PIEZO2: variants seen among roughly 807,000 people sequenced by gnomAD.
The protein encoded by PIEZO2 is piezo-type mechanosensitive ion channel component 2.
Under a neutral mutation model 337.3 loss-of-function variants are expected in PIEZO2, and 172 were observed. The observed-to-expected ratio is 0.51, with a 90% CI of 0.45 to 0.58. PIEZO2 has a LOEUF of 0.58. Among genes scored for constraint, PIEZO2 ranks in the 20% least tolerant of loss-of-function variants. The probability of loss-of-function intolerance (pLI) is 0.00; values close to 1 mark genes in which losing one functional copy is unlikely to be tolerated. For synonymous variants in PIEZO2, 1,251 were observed against 1,228.5 expected, an observed-to-expected ratio of 1.02 and a Z score of -0.38; for missense variants, 3,028 against 3,391.3, an observed-to-expected ratio of 0.89 and a Z score of 2.66.
At chr18:10,926,904 A>G (rs1001018935) in intron 3 of PIEZO2, among the ~76,000 whole-genome samples, 1 of 152,242 alleles carries the variant, frequency 6.6e-6, no homozygotes, top group African/African-American at 2.4e-5. Context: ...CTGAGGTTTT[A>G]TCATATATGT....
chr18:10,968,985 TA>T (rs2145424232), intron 3 of PIEZO2, among the ~76,000 whole-genome samples: 1 of 152,314 alleles, frequency 6.6e-6, no homozygotes, highest in African/African-American at 2.4e-5. Context: ...TTTTTATTTA[TA>T]AATCCACCTA....
At chr18:10,789,445 T>C (rs2039339464) in intron 14 of PIEZO2, 80 bp from the exon 15 acceptor site, 1 of 1,392,744 alleles carries the variant, frequency 7.2e-7, no homozygotes, top group Non-Finnish European at 9.5e-7. Context: ...AGGTATAGGA[T>C]GTAGAGGCAT....
rs763698071 is a variant in PIEZO2 at position 10,736,676 on chromosome 18, C to T, written c.4743G>A (p.Thr1581=). The part of the protein sequence containing the change: ...VRSGDYYLFE[T]DSEEEEEEEL... ...CTTCCTCTTCCTCCTCTTCACTATC[C>T]GTTTCAAACAAATAATAATCTCCAC... Residue 1581 remains threonine, a synonymous_variant, in exon 34 of 56, where the codon ACG becomes ACA. Coordinates refer to ENST00000674853, the MANE Select transcript of PIEZO2 (RefSeq NM_001378183.1). The T allele has an allele frequency of 1.3e-6, 2 of 1,536,942 alleles. No homozygotes were observed. The highest frequency in any genetic ancestry group is 1.4e-5 in the African/African-American group (1 of 73,126).
At chr18:10,917,788 GCTGC>G (rs2031099194) in intron 3 of PIEZO2, among the ~76,000 whole-genome samples, 1 of 152,146 alleles carries the variant, frequency 6.6e-6, no homozygotes, top group African/African-American at 2.4e-5. Context: ...TACTGTAGGG[GCTGC>G]CAGGCAGCTG....
chr18:10,689,119 C>T (rs1033539360), intron 49 of PIEZO2, among the ~76,000 whole-genome samples: 2 of 152,172 alleles, frequency 1.3e-5, no homozygotes, highest in Non-Finnish European at 2.9e-5. Flanking sequence ...TCCTATTGCT[C>T]TTATGCAACA....
Position 10,702,022 on chromosome 18 carries a change from G to C in PIEZO2, c.6408C>G (p.Leu2136=). 6.5e-7 allele frequency: 1 copy of C among 1,531,960 alleles called. No homozygotes were observed. 94.9% of individuals were successfully genotyped at this position (1,531,960 alleles called of 1,614,324 possible). ...TTGATCGATGAAAGAACAGAGCCAGGAGCTGGATGAGGTCATAGAGAACAT... is the reference window on the plus strand; with the variant it reads ...TTGATCGATGAAAGAACAGAGCCAGCAGCTGGATGAGGTCATAGAGAACAT... ...EGYVLYDLIQ[L]LALFFHRSIL... Residue 2136 remains leucine (L), a synonymous_variant, in exon 43 of 56, where the codon CTC becomes CTG. Transcript: ENST00000674853.
At chr18:11,010,437 A>C (rs533700352) in intron 2 of PIEZO2, among the ~76,000 whole-genome samples, 97 of 152,264 alleles carry the variant, frequency 6.4e-4, no homozygotes, top group Middle Eastern at 3.4e-3. Context: ...ACCTAATCAC[A>C]CAATCCTCTA....
chr18:11,010,565 G>C (rs1163129806), intron 2 of PIEZO2, among the ~76,000 whole-genome samples: 1 of 152,152 alleles, frequency 6.6e-6, no homozygotes, highest in East Asian at 1.9e-4. Context: ...TCATTGGAAG[G>C]GTGGGTACTG....
rs1384641554 is a variant in PIEZO2, at chr18:10,795,988, G to A, written c.1528-986C>T. Among the ~76,000 whole-genome samples the A allele has an allele frequency of 6.6e-6, 1 of 152,118 alleles. No homozygotes were observed. Among genetic ancestry groups the A allele is most frequent in the East Asian group, 1.9e-4 (1 of 5,196 alleles). On this transcript the variant is annotated intron_variant, in intron 12 of 55. Coordinates refer to ENST00000674853, the MANE Select transcript of PIEZO2 (RefSeq NM_001378183.1). The surrounding 1 kb of genome is among the most constrained non-coding windows in gnomAD (Gnocchi z 4.4). ...GAAGGTGTGATGTTGCAGATGGTGA[G>A]TAGAAACACACATAAACTGAGAGCT...
chr18:10,883,706 T>C (rs1054821329), intron 4 of PIEZO2, among the ~76,000 whole-genome samples: 3 of 152,176 alleles, frequency 2.0e-5, no homozygotes, highest in African/African-American at 7.2e-5. Flanking sequence ...CTTGAACTTA[T>C]TCTTCCTGGT....
In PIEZO2 at chr18:10,895,615, G is replaced by C. The variant is rs1170044576; in HGVS notation, c.329+15571C>G. Among the ~76,000 whole-genome samples, 1 of 152,102 alleles carries C rather than the reference G, an allele frequency of 6.6e-6. No individual in the cohort carries two copies. Among genetic ancestry groups the C allele is most frequent in the Non-Finnish European group, 1.5e-5 (1 of 68,026 alleles). ...GCCGTGTGGGGTTGGTGATTGTGGG[G>C]TTGCCTCACTCAGGATTTGCATTGG... On this transcript the variant is annotated intron_variant, in intron 4 of 55. Transcript: ENST00000674853. This position sits in a 1 kb window ranked among gnomAD's most constrained non-coding sequence, Gnocchi z 4.8.
At chr18:10,733,181 G>A (rs963152374) in intron 35 of PIEZO2, among the ~76,000 whole-genome samples, 2 of 152,108 alleles carry the variant, frequency 1.3e-5, no homozygotes, top group African/African-American at 2.4e-5. Context: ...GCTCAACAAA[G>A]GACCCCTAAA....
intron 4 of PIEZO2, among the ~76,000 whole-genome samples, chr18:10,875,875 A>T (rs1459080419): frequency 6.6e-6 from 1 of 152,220 alleles, no homozygotes; most frequent in Non-Finnish European, 1.5e-5. Context: ...TAGTTTGCTA[A>T]AGCAATTACT....
intron 1 of PIEZO2, among the ~76,000 whole-genome samples, chr18:11,074,167 T>C (rs1056985326): frequency 1.3e-5 from 2 of 152,096 alleles, no homozygotes; most frequent in African/African-American, 4.8e-5. Context: ...CTTTATCAAG[T>C]GTGATACTGC....
At position 10,700,758 on chromosome 18, in the gene PIEZO2, C is replaced by T. The variant is rs553386155; in HGVS notation, c.6441+1231G>A. On this transcript the variant is annotated intron_variant, in intron 43 of 55. Coordinates refer to ENST00000674853, the MANE Select transcript of PIEZO2 (RefSeq NM_001378183.1). ...AATACATTTATTAATATGTTCATAA[C>T]AAAAATCAGTATACTAAATAAATTC... Among the ~76,000 whole-genome samples the T allele has an allele frequency of 3.2e-4, 48 of 152,238 alleles. No homozygotes were observed. In the South Asian group the frequency reaches 9.3e-3, roughly 30 times the overall value.
At chr18:11,106,231 C>T (rs1262779083) in intron 1 of PIEZO2, among the ~76,000 whole-genome samples, 4 of 151,422 alleles carry the variant, frequency 2.6e-5, no homozygotes, top group South Asian at 2.1e-4. Context: ...GGACTACAGG[C>T]GCCCACCACC....
intron 52 of PIEZO2, among the ~76,000 whole-genome samples, chr18:10,678,665 A>G (rs1365240438): frequency 1.3e-5 from 2 of 152,224 alleles, no homozygotes; most frequent in Admixed American, 6.5e-5. Context: ...CCAAAACTGC[A>G]TCACTAAACT....
chr18:11,020,601 C>T (rs2625358), intron 2 of PIEZO2, among the ~76,000 whole-genome samples: 40,149 of 151,970 alleles, frequency 0.26, 5,737 homozygotes, highest in Non-Finnish European at 0.33. Flanking sequence ...TCTAAACTCC[C>T]CAGTAATTGC....
chr18:11,063,135 C>T (rs2038027775), intron 2 of PIEZO2, among the ~76,000 whole-genome samples: 1 of 151,870 alleles, frequency 6.6e-6, no homozygotes, highest in Non-Finnish European at 1.5e-5. Flanking sequence ...TTTGTAGGGA[C>T]ATGGATGAAG....
Sources: allele counts gnomAD v4.1 joint callset (sites outside exome capture counted in the v4.1 genomes callset), GRCh38; gene constraint gnomAD v4.1.1; non-coding constraint Gnocchi (gnomAD v3.1); transcripts MANE v1.5; gene names NCBI Gene and HGNC (gene_info 2026-07-23, HGNC 2026-07-21).